Variants in FMNL2 observed in about 807,000 individuals in gnomAD.
The protein encoded by FMNL2 is formin-like protein 2.
FMNL2 carries 51 observed loss-of-function variants against 130.2 expected under a neutral mutation model. The observed-to-expected ratio is 0.39, with a 90% CI of 0.31 to 0.49. The LOEUF (loss-of-function observed/expected upper bound fraction) is 0.49, where lower values mean the gene tolerates loss of function less well. FMNL2 is among the 20% of genes least tolerant of loss of function. FMNL2 has a pLI of 0.85. For missense variants in FMNL2, 977 were observed against 1,316.2 expected (o/e 0.74, Z 3.99); for synonymous variants, 465 against 467.1 (o/e 1.00, Z 0.06).
At chr2:152,621,832 A>C (rs1254656895) in intron 15 of FMNL2, among the ~76,000 whole-genome samples, 1 of 152,150 alleles carries the variant, frequency 6.6e-6, no homozygotes, top group East Asian at 1.9e-4. Flanking sequence ...CAGGATGCCC[A>C]GTAGAATGAA....
At chr2:152,412,443 A>C (rs1686338763) in intron 1 of FMNL2, among the ~76,000 whole-genome samples, 1 of 92,072 alleles carries the variant, frequency 1.1e-5, no homozygotes, top group Non-Finnish European at 1.9e-5. Flanking sequence ...TCTTCTGTAT[A>C]TTTTATATAT....
rs570424355 is a variant in FMNL2, at chr2:152,601,376, C to A, written c.877-5963C>A. Among the ~76,000 whole-genome samples the A allele has an allele frequency of 2.0e-5, 3 of 147,902 alleles. No individual in the cohort carries two copies. In the South Asian group the frequency reaches 6.4e-4, roughly 32 times the overall value. ...AGTGCAGTGGCACGATCTCGGCTAACTGCAACCTCCATCCCCCAGGTTCAA... is the reference window on the plus strand; with the variant it reads ...AGTGCAGTGGCACGATCTCGGCTAAATGCAACCTCCATCCCCCAGGTTCAA... On this transcript the variant is annotated intron_variant, in intron 9 of 25. Transcript: ENST00000288670.
At chr2:152,564,648 G>A (rs971090098) in intron 6 of FMNL2, among the ~76,000 whole-genome samples, 2 of 152,082 alleles carry the variant, frequency 1.3e-5, no homozygotes, top group South Asian at 4.2e-4. Context: ...CATGAGAATT[G>A]CTTGAACCTG....
At chr2:152,463,093 G>A (rs1689338455) in intron 1 of FMNL2, among the ~76,000 whole-genome samples, 3 of 152,124 alleles carry the variant, frequency 2.0e-5, no homozygotes, top group South Asian at 4.1e-4. Context: ...CAGTTAGCAC[G>A]TCGGATTTCT....
chr2:152,450,317 C>T (rs1305564542), intron 1 of FMNL2, among the ~76,000 whole-genome samples: 1 of 152,118 alleles, frequency 6.6e-6, no homozygotes, highest in Non-Finnish European at 1.5e-5. Context: ...CAACAGTTTC[C>T]CTTCTGATTA....
Position 152,364,259 on chromosome 2 carries a change from GTGTTTTTTTTTT to G in FMNL2, c.117+28541_117+28552del, listed in dbSNP as rs1281480380. Among the ~76,000 whole-genome samples the G allele has an allele frequency of 7.9e-5, 8 of 100,766 alleles. No individual in the cohort carries two copies. In the East Asian group the frequency reaches 2.0e-3, roughly 26 times the overall value. The allele number at this position is 100,766 out of a possible 152,430, so 66.1% of individuals were successfully genotyped here. On this transcript the variant is annotated intron_variant, in intron 1 of 25. Transcript: ENST00000288670. ...GTTTCACATCCGTTAGGAGGTTTGTGTGTTTTTTTTTTTTTTTTTTTTTTTTTTTTTTTACCA... is the reference window on the plus strand; with the variant it reads ...GTTTCACATCCGTTAGGAGGTTTGTGTTTTTTTTTTTTTTTTTTTTTACCA...
rs140030013 is a variant in FMNL2, at chr2:152,580,044, T to G, written c.783-912T>G. 6.8e-3 allele frequency among the ~76,000 whole-genome samples: 1,040 copies of G among 152,366 alleles called. 5 individuals carry two copies. Among genetic ancestry groups the G allele is most frequent in the Non-Finnish European group, 0.012 (787 of 68,026 alleles). On this transcript the variant is annotated intron_variant, in intron 8 of 25. Transcript: ENST00000288670. ...TATTATTCTTTCAAACTTCCCCTGA[T>G]TAAACCTTTTGCGACTGTGCGATTC...
intron 1 of FMNL2, among the ~76,000 whole-genome samples, chr2:152,358,083 G>A (rs79769430): frequency 0.01 from 1,561 of 152,292 alleles, 29 homozygotes; most frequent in African/African-American, 0.036. Context: ...CTGATTCACT[G>A]AGTCTGCTGA....
intron 7 of FMNL2, among the ~76,000 whole-genome samples, chr2:152,577,221 G>A (rs1696526045): frequency 6.6e-6 from 1 of 152,164 alleles, no homozygotes; most frequent in South Asian, 2.1e-4. Flanking sequence ...CATTGGATAT[G>A]AGGGAGAAGG....
rs1040332728 is a variant in FMNL2, at chr2:152,540,127, A to G, written c.202-2612A>G. Among the ~76,000 whole-genome samples the G allele has an allele frequency of 2.5e-4, 38 of 152,160 alleles. 1 individual carries two copies. The highest frequency in any genetic ancestry group is 2.5e-3 in the Admixed American group (38 of 15,272). ...TGAATAATTGGAATTATATTATTTA[A>G]AAGGATAATATTTATTTATATTCTG... On this transcript the variant is annotated intron_variant, in intron 2 of 25. Coordinates refer to ENST00000288670, the MANE Select transcript of FMNL2 (RefSeq NM_052905.4).
At chr2:152,595,721 A>G (rs1294949052) in intron 9 of FMNL2, among the ~76,000 whole-genome samples, 1 of 152,080 alleles carries the variant, frequency 6.6e-6, no homozygotes, top group African/African-American at 2.4e-5. Context: ...TGTGTGTTCT[A>G]TATATTTTTT....
intron 1 of FMNL2, among the ~76,000 whole-genome samples, chr2:152,380,992 C>A (rs904260643): frequency 6.6e-6 from 1 of 152,130 alleles, no homozygotes; most frequent in Non-Finnish European, 1.5e-5. Context: ...TATATAATGC[C>A]TAGGAATGGC....
At chr2:152,356,565 C>T (rs1436869308) in intron 1 of FMNL2, among the ~76,000 whole-genome samples, 2 of 152,196 alleles carry the variant, frequency 1.3e-5, no homozygotes, top group African/African-American at 4.8e-5. Flanking sequence ...AAAGTTAATA[C>T]AGTGCTTTTA....
intron 1 of FMNL2, among the ~76,000 whole-genome samples, chr2:152,507,731 A>T (rs929787783): frequency 2.0e-5 from 3 of 152,152 alleles, no homozygotes; most frequent in African/African-American, 7.2e-5. Flanking sequence ...CCATGTGTCT[A>T]CTACTGTTTT....
chr2:152,540,707 G>A (rs914999056), intron 2 of FMNL2, among the ~76,000 whole-genome samples: 1 of 118,766 alleles, frequency 8.4e-6, no homozygotes, highest in Non-Finnish European at 1.7e-5. Flanking sequence ...GGGGGGAGGG[G>A]GGAGGGATAG....
intron 1 of FMNL2, among the ~76,000 whole-genome samples, chr2:152,339,881 A>G (rs890507962): frequency 1.3e-5 from 2 of 152,182 alleles, no homozygotes; most frequent in African/African-American, 4.8e-5. Flanking sequence ...CTATAGATGC[A>G]TAAGTAATGA....
chr2:152,638,639 G>A (rs755719883), intron 23 of FMNL2, among the ~76,000 whole-genome samples: 4 of 152,180 alleles, frequency 2.6e-5, no homozygotes, highest in African/African-American at 4.8e-5. Context: ...TAGAAGGAAC[G>A]TCTGTGGCAG....
chr2:152,488,900 T>G (rs535280333), intron 1 of FMNL2, among the ~76,000 whole-genome samples: 280 of 151,766 alleles, frequency 1.8e-3, no homozygotes, highest in Non-Finnish European at 2.8e-3. Flanking sequence ...CAACATAGAC[T>G]CCATCTACAA....
At position 152,474,743 on chromosome 2, in the gene FMNL2, T is replaced by A. The variant is rs146872838; in HGVS notation, c.118-47200T>A. ...TCAGCACTTATTTCACGTACCTGTTTAGACTGTGCTTAGTTGCCAATGATT... is the reference window on the plus strand; with the variant it reads ...TCAGCACTTATTTCACGTACCTGTTAAGACTGTGCTTAGTTGCCAATGATT... On this transcript the variant is annotated intron_variant, in intron 1 of 25. Transcript: ENST00000288670. 5.9e-5 allele frequency among the ~76,000 whole-genome samples: 9 copies of A among 152,260 alleles called. No individual in the cohort carries two copies. The South Asian group carries it at 1.0e-3, about 18-fold the overall frequency.
Sources: gnomAD v4.1 joint callset for allele counts (sites outside exome capture counted in the v4.1 genomes callset) on GRCh38, gnomAD v4.1.1 for gene constraint, MANE v1.5 for transcripts, NCBI Gene and HGNC (gene_info 2026-07-23, HGNC 2026-07-21) for gene names.